PDIA6: variants seen among roughly 807,000 people sequenced by gnomAD.
PDIA6 encodes protein disulfide-isomerase A6.
In PDIA6, 29 loss-of-function variants were observed where a neutral mutation model predicts 58.4. That is an observed-to-expected ratio of 0.50 (90% CI 0.37 to 0.68). PDIA6 has a LOEUF of 0.68. PDIA6 is among the 30% of genes least tolerant of loss of function. The pLI is 0.00. For missense variants in PDIA6, 480 were observed against 551.0 expected (o/e 0.87, Z 1.29); for synonymous variants, 192 against 202.6 (o/e 0.95, Z 0.44).
At chr2:10,795,098 T>C (rs1686447) in intron 4 of PDIA6, among the ~76,000 whole-genome samples, 74,209 of 152,030 alleles carry the variant, frequency 0.49, 19,660 homozygotes, top group Middle Eastern at 0.59. Flanking sequence ...TGTCAGGTAT[T>C]TCCGTCATCT....
chr2:10,818,247 C>T lies in PDIA6; in HGVS notation c.34+1027G>A, dbSNP rs185133496. Among the ~76,000 whole-genome samples the T allele has an allele frequency of 3.4e-4, 51 of 151,874 alleles. 1 individual carries two copies. The highest frequency in any genetic ancestry group is 1.2e-3 in the African/African-American group (49 of 41,400). ...GTGTGATCATAGCTCACTGCAGCCT[C>T]AACCTCCTAGTGTCAAGCAATCTTA... On this transcript the variant is annotated intron_variant, in intron 2 of 13. Transcript: ENST00000381611.
intron 1 of PDIA6, chr2:10,810,266 C>T: frequency 6.5e-7 from 1 of 1,527,430 alleles, no homozygotes; most frequent in South Asian, 1.2e-5. Flanking sequence ...ATTAGATAGA[C>T]CCAAATTTCT....
chr2:10,825,661 C>G lies in PDIA6; in HGVS notation c.-47-6307G>C, dbSNP rs531834893. On this transcript the variant is annotated intron_variant, in intron 1 of 13. Coordinates refer to the PDIA6 transcript ENST00000381611. ...ACAAAAGAACCAATTTAAAAATGCC[C>G]AAAGGATCTGAGTAGACATTTCTCC... is the stretch of plus-strand genomic sequence containing the variant. 1.4e-3 allele frequency among the ~76,000 whole-genome samples: 216 copies of G among 152,136 alleles called. 1 individual carries two copies. Among genetic ancestry groups the G allele is most frequent in the African/African-American group, 5.0e-3 (206 of 41,486 alleles).
At chr2:10,835,557 A>T (rs987932852), upstream of PDIA6, among the ~76,000 whole-genome samples, 1 of 152,202 alleles carries the variant, frequency 6.6e-6, no homozygotes, top group Non-Finnish European at 1.5e-5. Context: ...GGCCCGGCAC[A>T]CTCGGATACA....
intron 8 of PDIA6, among the ~76,000 whole-genome samples, chr2:10,789,529 CTATCTT>C (rs1336354993): frequency 3.3e-5 from 5 of 152,304 alleles, no homozygotes; most frequent in East Asian, 3.9e-4. Context: ...TGAATACACT[CTATCTT>C]TAAGAAGCTC....
chr2:10,793,216 A>AAGG lies in PDIA6; in HGVS notation c.347-17_347-15dup. 1 of 1,554,392 alleles carries AAGG rather than the reference A, an allele frequency of 6.4e-7. No individual in the cohort carries two copies. The highest frequency in any genetic ancestry group is 1.1e-5 in the South Asian group (1 of 88,594). ...CAGTTCTGCCACCTACAGGAGACGG[A>AAGG]AGGTAGGCGGTCCTCAGCCCGGCCT... On this transcript the variant is annotated splice_polypyrimidine_tract_variant and intron_variant, in intron 4 of 12. Transcript: ENST00000272227.
upstream of PDIA6, chr2:10,837,410 G>A: frequency 1.6e-6 from 1 of 624,734 alleles, no homozygotes; most frequent in Non-Finnish European, 2.9e-6. Flanking sequence ...ACATACGTGA[G>A]GAAATCAGAG....
chr2:10,799,480 G>C (rs1049070663), intron 2 of PDIA6, among the ~76,000 whole-genome samples: 2 of 152,216 alleles, frequency 1.3e-5, no homozygotes, highest in Non-Finnish European at 2.9e-5. Flanking sequence ...TCCAGTGTCA[G>C]AGCTGCCTGA....
At chr2:10,831,610 G>GCC (rs1156454124) in intron 1 of PDIA6, among the ~76,000 whole-genome samples, 3 of 152,282 alleles carry the variant, frequency 2.0e-5, no homozygotes, top group Non-Finnish European at 4.4e-5. Context: ...GCTACGATGT[G>GCC]CCCCTCGCCT....
At chr2:10,821,173 CT>C (rs911397948) in intron 1 of PDIA6, 40 of 272,462 alleles carry the variant, frequency 1.5e-4, no homozygotes, top group African/African-American at 7.6e-4. Context: ...TTCCTTCCCC[CT>C]CTCTTACCTC....
chr2:10,792,818 T>C (rs1666096033), intron 5 of PDIA6, among the ~76,000 whole-genome samples: 3 of 152,278 alleles, frequency 2.0e-5, no homozygotes, highest in African/African-American at 7.2e-5. Flanking sequence ...ACAAGTGCCA[T>C]GGGATGCCAG....
At chr2:10,803,842 G>C (rs1666614269) in intron 1 of PDIA6, among the ~76,000 whole-genome samples, 1 of 151,386 alleles carries the variant, frequency 6.6e-6, no homozygotes, top group Non-Finnish European at 1.5e-5. Context: ...CTATCACCTT[G>C]TGATGCCTTG....
At chr2:10,821,989 G>A (rs1230463306) in intron 1 of PDIA6, among the ~76,000 whole-genome samples, 1 of 152,090 alleles carries the variant, frequency 6.6e-6, no homozygotes. Flanking sequence ...GCCCAGGCTG[G>A]AGTGCAGTGG....
intron 1 of PDIA6, among the ~76,000 whole-genome samples, chr2:10,811,576 T>G (rs1179926516): frequency 1.3e-5 from 2 of 152,182 alleles, no homozygotes; most frequent in African/African-American, 2.4e-5. Context: ...CCTAAAATGG[T>G]GAACACCGTT....
In PDIA6 at chr2:10,785,465, T is replaced by G. The variant is rs147736653; in HGVS notation, c.1158-435A>C. Reference sequence around the variant, plus strand: ...GCAGAGAGCGGGGTGCGTATGTGCATAAACATCAGTACTTGAAACATACCA... The same window carrying G: ...GCAGAGAGCGGGGTGCGTATGTGCAGAAACATCAGTACTTGAAACATACCA... On this transcript the variant is annotated intron_variant, in intron 11 of 12. Coordinates refer to ENST00000272227, the MANE Select transcript of PDIA6 (RefSeq NM_005742.4). Among the ~76,000 whole-genome samples the G allele has an allele frequency of 3.5e-3, 526 of 152,282 alleles. 5 individuals are homozygous for G. The highest frequency in any genetic ancestry group is 0.012 in the African/African-American group (509 of 41,552).
intron 1 of PDIA6, among the ~76,000 whole-genome samples, chr2:10,825,940 G>C (rs1667545072): frequency 6.6e-6 from 1 of 152,124 alleles, no homozygotes; most frequent in Admixed American, 6.5e-5. Flanking sequence ...TAATTCAACA[G>C]TTACCATGTG....
At chr2:10,795,225 G>C (rs889919998) in intron 4 of PDIA6, among the ~76,000 whole-genome samples, 1 of 152,206 alleles carries the variant, frequency 6.6e-6, no homozygotes, top group African/African-American at 2.4e-5. Flanking sequence ...ACTCAATTCT[G>C]TTGTTCCAGT....
chr2:10,835,923 C>T (rs560550116), upstream of PDIA6, among the ~76,000 whole-genome samples: 7 of 152,174 alleles, frequency 4.6e-5, no homozygotes, highest in East Asian at 3.9e-4. Flanking sequence ...TGGTGGCGGG[C>T]GCCTGTAATC....
At chr2:10,819,220 T>G (rs982724151) in intron 2 of PDIA6, 1 of 1,120,414 alleles carries the variant, frequency 8.9e-7, no homozygotes, top group African/African-American at 1.5e-5. Flanking sequence ...GTTTTCACCT[T>G]TTGGCTGTTG....
Sources: allele counts gnomAD v4.1 joint callset (sites outside exome capture counted in the v4.1 genomes callset), GRCh38; gene constraint gnomAD v4.1.1; transcripts MANE v1.5; gene names NCBI Gene and HGNC (gene_info 2026-07-23, HGNC 2026-07-21).